The following NPEPPS variants were observed in gnomAD, a reference collection of about 807,000 sequenced individuals.
The protein encoded by NPEPPS is aminopeptidase puromycin sensitive.
Under a neutral mutation model 115.5 loss-of-function variants are expected in NPEPPS, and 14 were observed. The ratio of observed to expected loss-of-function variants is 0.12; its 90% confidence interval spans 0.08 to 0.19. NPEPPS has a LOEUF of 0.19. NPEPPS is among the 10% of genes least tolerant of loss of function. The pLI is 1.00. For synonymous variants in NPEPPS, 285 were observed against 390.6 expected, an observed-to-expected ratio of 0.73 and a Z score of 3.19; for missense variants, 523 against 1,110.8, an observed-to-expected ratio of 0.47 and a Z score of 7.52.
chr17:47,536,388 C>CTTTTTTTTT (rs749380530), intron 1 of NPEPPS, among the ~76,000 whole-genome samples: 1 of 69,940 alleles, frequency 1.4e-5, no homozygotes, highest in Non-Finnish European at 3.0e-5. Context: ...TATTTTCTCT[C>CTTTTTTTTT]TTTTTTTTTT....
Position 47,619,081 on chromosome 17 carries a change from G to T in NPEPPS, c.2476G>T (p.Ala826Ser). ...VAGGSKHGRKAAWKFIKDNWE... is the reference protein window; with the variant it reads ...VAGGSKHGRKSAWKFIKDNWE... Reference sequence around the variant, plus strand: ...TGGAGGCAGCAAGCATGGTAGGAAAGCTGCTTGGAAATTCATAAAGGACAA... The same window carrying T: ...TGGAGGCAGCAAGCATGGTAGGAAATCTGCTTGGAAATTCATAAAGGACAA... Residue 826 changes from alanine (A) to serine (S), a missense_variant, in exon 21 of 23, where the codon GCT becomes TCT. Ala to Ser is a moderately conservative substitution (Grantham distance 99, BLOSUM62 1). This residue lies in a region of NPEPPS where 372 missense variants were observed against 542.6 expected (regional missense o/e 0.69). Transcript: ENST00000322157. The T allele has an allele frequency of 6.2e-7, 1 of 1,613,904 alleles. No individual in the cohort carries two copies. The highest frequency in any genetic ancestry group is 2.2e-5 in the East Asian group (1 of 44,880).
chr17:47,610,709 T>G (rs943528631), intron 17 of NPEPPS, among the ~76,000 whole-genome samples: 1 of 151,844 alleles, frequency 6.6e-6, no homozygotes, highest in African/African-American at 2.4e-5. Context: ...AAGGGCACTA[T>G]TCCCATTCAT....
intron 1 of NPEPPS, among the ~76,000 whole-genome samples, chr17:47,542,507 T>C (rs773445588): frequency 9.8e-5 from 14 of 143,346 alleles, no homozygotes; most frequent in Non-Finnish European, 1.5e-4. Context: ...GATCACGCCA[T>C]TGCACTCCAG....
chr17:47,585,416 T>C (rs1912122795), intron 5 of NPEPPS, 84 bp from the exon 6 acceptor site: 1 of 891,614 alleles, frequency 1.1e-6, no homozygotes, highest in African/African-American at 1.7e-5. Flanking sequence ...AGAGATGCAA[T>C]AAAGCCTACA....
chr17:47,601,788 TACA>T (rs1304784358), intron 15 of NPEPPS, 41 bp downstream of exon 15: 1 of 1,582,022 alleles, frequency 6.3e-7, no homozygotes, highest in African/African-American at 1.4e-5. Context: ...CTCTCACTTA[TACA>T]TTTTATGGCC....
chr17:47,549,267 G>A (rs796113203), intron 2 of NPEPPS, among the ~76,000 whole-genome samples: 1 of 151,864 alleles, frequency 6.6e-6, no homozygotes, highest in African/African-American at 2.4e-5. Flanking sequence ...GCTTGAACCC[G>A]GGAGGCAGAG....
At chr17:47,548,671 G>A (rs1909413223) in intron 2 of NPEPPS, among the ~76,000 whole-genome samples, 1 of 149,698 alleles carries the variant, frequency 6.7e-6, no homozygotes, top group Non-Finnish European at 1.5e-5. Flanking sequence ...CCGCCTCTGG[G>A]GTTCAAGCAA....
chr17:47,613,257 CTTTTTTTTTTTTT>C (rs753383358), intron 18 of NPEPPS, among the ~76,000 whole-genome samples: 1 of 98,232 alleles, frequency 1.0e-5, no homozygotes, highest in South Asian at 3.2e-4. Context: ...ATAATATTTA[CTTTTTTTTTTTTT>C]TTTTTTTTTT....
chr17:47,584,617 T>G (rs542462410), intron 5 of NPEPPS, among the ~76,000 whole-genome samples: 1 of 152,326 alleles, frequency 6.6e-6, no homozygotes, highest in Non-Finnish European at 1.5e-5. Context: ...TATCAGTGTG[T>G]TCTTGAATAA....
intron 17 of NPEPPS, among the ~76,000 whole-genome samples, chr17:47,608,239 G>C (rs528276559): frequency 2.4e-4 from 37 of 152,256 alleles, no homozygotes; most frequent in Admixed American, 1.8e-3. Context: ...TGGAACATCT[G>C]AGGTCAGGAG....
chr17:47,616,898 CTG>C (rs1463699615), intron 19 of NPEPPS, among the ~76,000 whole-genome samples: 1 of 147,660 alleles, frequency 6.8e-6, no homozygotes, highest in Non-Finnish European at 1.5e-5. Context: ...GAAGAGGAAA[CTG>C]AGAGCTTTGA....
Position 47,596,365 on chromosome 17 carries a change from A to G in NPEPPS, c.1439A>G (p.Glu480Gly), listed in dbSNP as rs748190978. 2.3e-5 allele frequency: 36 copies of G among 1,572,492 alleles called. No homozygotes were observed. Among genetic ancestry groups the G allele is most frequent in the Non-Finnish European group, 3.1e-5 (36 of 1,156,258 alleles). The change falls in exon 13 of 23, where the codon GAA (glutamate) becomes GGA (glycine). Residue 480 changes from glutamate to glycine, a missense_variant. By Grantham distance (98) the Glu-to-Gly change is moderately conservative. Around this residue, in one of 4 missense-constraint regions of NPEPPS, gnomAD observed 372 missense variants for 542.6 expected, o/e 0.69. Coordinates refer to ENST00000322157, the MANE Select transcript of NPEPPS (RefSeq NM_006310.4). The stretch of plus-strand genomic sequence containing the variant: ...GTTTATCTTCTAGAGGATCTCTGGG[A>G]AAGTTTAGAAAATGCTAGTGGTAAA... ...QKNAATEDLW[E>G]SLENASGKPI...
intron 2 of NPEPPS, among the ~76,000 whole-genome samples, chr17:47,553,749 GTCTC>G (rs1046858654): frequency 6.0e-5 from 9 of 151,186 alleles, no homozygotes; most frequent in South Asian, 4.2e-4. Context: ...TGTTGTGTGC[GTCTC>G]TCTCTCTTTT....
intron 2 of NPEPPS, among the ~76,000 whole-genome samples, chr17:47,565,609 C>T (rs1468978431): frequency 2.0e-5 from 3 of 150,628 alleles, no homozygotes; most frequent in Middle Eastern, 3.5e-3. Context: ...CGCTTGAGCT[C>T]GGGAGTTTGA....
intron 3 of NPEPPS, among the ~76,000 whole-genome samples, chr17:47,570,480 C>G (rs1386421489): frequency 1.3e-5 from 2 of 152,052 alleles, no homozygotes; most frequent in Admixed American, 1.3e-4. Flanking sequence ...AATCCAAATC[C>G]CTGAAGTGAA....
chr17:47,542,073 T>C lies in NPEPPS; in HGVS notation c.256-3836T>C, dbSNP rs1908806727. On this transcript the variant is annotated intron_variant, in intron 1 of 22. Transcript: ENST00000322157. The stretch of plus-strand genomic sequence containing the variant: ...CATATACAGGTCTTTCATGCAGATA[T>C]CGTACTACTCTGATGTTCTTACCTA... 7.2e-5 allele frequency among the ~76,000 whole-genome samples: 11 copies of C among 152,318 alleles called. No homozygotes were observed. In the South Asian group the frequency reaches 2.1e-3, roughly 29 times the overall value.
intron 14 of NPEPPS, among the ~76,000 whole-genome samples, chr17:47,600,647 A>G (rs1190557698): frequency 6.6e-6 from 1 of 152,234 alleles, no homozygotes; most frequent in Non-Finnish European, 1.5e-5. Context: ...ACCTGATAGC[A>G]TAAAGCTATG....
intron 1 of NPEPPS, among the ~76,000 whole-genome samples, chr17:47,538,041 G>GC (rs1473478289): frequency 6.7e-6 from 1 of 150,094 alleles, no homozygotes; most frequent in Non-Finnish European, 1.5e-5. Context: ...TTACAGGCAT[G>GC]CACCACCACG....
Position 47,567,704 on chromosome 17 carries a change from T to TA in NPEPPS, c.341-1712dup, listed in dbSNP as rs200087883. On this transcript the variant is annotated intron_variant, in intron 2 of 22. Coordinates refer to ENST00000322157, the MANE Select transcript of NPEPPS (RefSeq NM_006310.4). Reference sequence around the variant, plus strand: ...GAAAGTACCCTGCCTATTTCCCCTCTATCACCTAGCCCCAGGCAACTATGA... The same window carrying TA: ...GAAAGTACCCTGCCTATTTCCCCTCTAATCACCTAGCCCCAGGCAACTATGA... 5.9e-3 allele frequency among the ~76,000 whole-genome samples: 891 copies of TA among 152,294 alleles called. 5 individuals are homozygous for TA. The highest frequency in any genetic ancestry group is 0.017 in the African/African-American group (718 of 41,556).
Sources: allele counts gnomAD v4.1 joint callset (sites outside exome capture counted in the v4.1 genomes callset), GRCh38; gene constraint gnomAD v4.1.1; regional missense constraint gnomAD v4.1.1; transcripts MANE v1.5; gene names NCBI Gene and HGNC (gene_info 2026-07-23, HGNC 2026-07-21).